The following NRK variants were observed in gnomAD, a reference collection of about 807,000 sequenced individuals.
NRK encodes Nik related kinase.
NRK carries 67 observed loss-of-function variants against 125.2 expected under a neutral mutation model. That is an observed-to-expected ratio of 0.54 (90% CI 0.44 to 0.66). The LOEUF (loss-of-function observed/expected upper bound fraction) is 0.66, where lower values mean the gene tolerates loss of function less well. Among genes scored for constraint, NRK ranks in the 30% least tolerant of loss-of-function variants. NRK has a pLI of 0.00. For synonymous variants in NRK, 458 were observed against 429.0 expected, an observed-to-expected ratio of 1.07 and a Z score of -0.84; for missense variants, 1,224 against 1,192.9, an observed-to-expected ratio of 1.03 and a Z score of -0.38.
At chrX:105,839,252 A>C (rs2039301133) in intron 2 of NRK, among the ~76,000 whole-genome samples, 1 of 4,966 alleles carries the variant, frequency 2.0e-4, no homozygotes, top group East Asian at 7.8e-3. Context: ...CTTTCTTTTT[A>C]GGTAGAAAAG....
rs73535217 is a variant in NRK at position 105,950,191 on chromosome X, G to A, written c.4513+457G>A. Among the ~76,000 whole-genome samples, 3 of 110,965 alleles carry A rather than the reference G, an allele frequency of 2.7e-5. No individual in the cohort carries two copies. In the East Asian group the frequency reaches 8.5e-4, roughly 31 times the overall value. On this transcript the variant is annotated intron_variant, in intron 27 of 28. Transcript: ENST00000243300. ...GTTCTATTTTGTGAGTGATATTCCT[G>A]TGAAGAATCAAATCATTTAGAAAAG...
At chrX:105,875,464 T>A (rs1333137506) in intron 2 of NRK, among the ~76,000 whole-genome samples, 1 of 111,379 alleles carries the variant, frequency 9.0e-6, no homozygotes, top group Non-Finnish European at 1.9e-5. Flanking sequence ...GTCTAACTCA[T>A]GCTTAAATGT....
intron 1 of NRK, among the ~76,000 whole-genome samples, chrX:105,826,058 A>G (rs548875): frequency 1.1e-5 from 1 of 94,466 alleles, no homozygotes; most frequent in Non-Finnish European, 2.1e-5. Flanking sequence ...CTCTCTCTCT[A>G]TATATATATA....
In NRK at chrX:105,953,126, C is replaced by T. The variant is rs774608160; in HGVS notation, c.4606C>T (p.Arg1536Cys). ...QSRVLESELK[R>C]RSIKKLRFLC... Reference sequence around the variant, plus strand: ...CAGGGTTCTGGAAAGTGAGCTGAAGCGCAGGTCAATTAAGAAGCTGAGATT... The same window carrying T: ...CAGGGTTCTGGAAAGTGAGCTGAAGTGCAGGTCAATTAAGAAGCTGAGATT... Residue 1536 changes from arginine (R) to cysteine (C), a missense_variant, in exon 28 of 29, where the codon CGC (arginine) becomes TGC (cysteine). Arg to Cys is a radical substitution (Grantham distance 180, BLOSUM62 -3). Coordinates refer to ENST00000243300, the MANE Select transcript of NRK (RefSeq NM_198465.4). 2.9e-5 allele frequency: 35 copies of T among 1,193,609 alleles called. No homozygotes were observed. Among genetic ancestry groups the T allele is most frequent in the Admixed American group, 2.0e-4 (9 of 45,191 alleles).
At chrX:105,824,561 G>A (rs2039066470) in intron 1 of NRK, among the ~76,000 whole-genome samples, 1 of 105,817 alleles carries the variant, frequency 9.5e-6, no homozygotes, top group African/African-American at 3.5e-5. Flanking sequence ...TCATAGAAAT[G>A]ATAGGACAGG....
intron 2 of NRK, among the ~76,000 whole-genome samples, chrX:105,833,778 C>T (rs2039225939): frequency 9.0e-6 from 1 of 111,217 alleles, no homozygotes; most frequent in South Asian, 3.8e-4. Context: ...CATATAACTG[C>T]CACCACAATC....
chrX:105,900,354 G>A (rs2040142405), intron 8 of NRK, among the ~76,000 whole-genome samples: 1 of 111,591 alleles, frequency 9.0e-6, no homozygotes, highest in Non-Finnish European at 1.9e-5. Flanking sequence ...CAGGTAAAAC[G>A]ATAATATCAA....
At position 105,908,848 on chromosome X, in the gene NRK, G is replaced by A. The variant is rs1172126649; in HGVS notation, c.1207G>A (p.Val403Ile). ...GCTACCTGATCGAGAAGAGCCACAG[G>A]TCCAGGCACTTCAGCAGCTACAGGG... ...RWLPDREEPQ[V>I]QALQQLQGAA... The change falls in exon 13 of 29, where the codon GTC becomes ATC. Residue 403 changes from valine to isoleucine, a missense_variant. Transcript: ENST00000243300. 7 of 1,207,461 alleles carry A rather than the reference G, an allele frequency of 5.8e-6. No homozygotes were observed. The highest frequency in any genetic ancestry group is 6.7e-6 in the Non-Finnish European group (6 of 893,258).
intron 2 of NRK, among the ~76,000 whole-genome samples, chrX:105,865,132 C>T (rs932728912): frequency 8.9e-6 from 1 of 111,738 alleles, no homozygotes; most frequent in African/African-American, 3.2e-5. Context: ...GCTGCTGAAA[C>T]GTATTGCAGG....
At chrX:105,888,025 T>C (rs959275777) in intron 4 of NRK, among the ~76,000 whole-genome samples, 8 of 112,455 alleles carry the variant, frequency 7.1e-5, no homozygotes, top group Admixed American at 1.9e-4. Flanking sequence ...GTGAAAATTT[T>C]ATACAGTGGC....
At chrX:105,911,836 G>T (rs146836867) in intron 13 of NRK, among the ~76,000 whole-genome samples, 2 of 111,600 alleles carry the variant, frequency 1.8e-5, no homozygotes, top group East Asian at 2.8e-4. Flanking sequence ...TACCAGCATG[G>T]CACACACTTA....
chrX:105,931,962 A>AT (rs759787419), intron 19 of NRK, among the ~76,000 whole-genome samples: 3 of 110,744 alleles, frequency 2.7e-5, no homozygotes, highest in African/African-American at 6.6e-5. Context: ...TTCAGAACTT[A>AT]TTTTTTTTAC....
chrX:105,873,986 C>T (rs750386103), intron 2 of NRK, among the ~76,000 whole-genome samples: 1 of 112,256 alleles, frequency 8.9e-6, no homozygotes, highest in East Asian at 2.8e-4. Flanking sequence ...TGACTAAATC[C>T]TTGATACAGT....
chrX:105,864,149 G>A (rs758283993), intron 2 of NRK, among the ~76,000 whole-genome samples: 3 of 112,126 alleles, frequency 2.7e-5, no homozygotes, highest in Admixed American at 9.5e-5. Flanking sequence ...GAGGCAGAGT[G>A]TACACTTGTA....
intron 23 of NRK, 95 bp from the exon 24 acceptor site, chrX:105,943,846 A>T: frequency 2.1e-6 from 1 of 485,638 alleles, no homozygotes; most frequent in African/African-American, 2.4e-5. Context: ...CTGTGCTCTT[A>T]AATTGTGGTT....
chrX:105,821,795 C>G (rs1176209442), upstream of NRK, among the ~76,000 whole-genome samples: 1 of 111,913 alleles, frequency 8.9e-6, no homozygotes, highest in Non-Finnish European at 1.9e-5. Flanking sequence ...CAGTCTTACT[C>G]AACCCTGCGC....
chrX:105,912,217 A>G (rs780602703), intron 13 of NRK, among the ~76,000 whole-genome samples: 7 of 111,605 alleles, frequency 6.3e-5, no homozygotes, highest in African/African-American at 2.3e-4. Flanking sequence ...GCACCACTGT[A>G]TTACAGATCT....
chrX:105,924,827 C>A lies in NRK; in HGVS notation c.3108C>A (p.Asp1036Glu), dbSNP rs12395531. 4.2e-4 allele frequency: 505 copies of A among 1,208,817 alleles called. 5 individuals are homozygous for A. In the African/African-American group the frequency reaches 8.1e-3, roughly 19 times the overall value. The change falls in exon 19 of 29, where the codon GAC (aspartate) becomes GAA (glutamate). Residue 1036 changes from aspartate to glutamate, a missense_variant. Physicochemically the swap from Asp to Glu is conservative, Grantham distance 45 (BLOSUM62 2). Transcript: ENST00000243300. ...RSHGGSAASE[D>E]NAAIGDQEEH... ...ATGGAGGAAGTGCAGCCAGTGAGGA[C>A]AATGCAGCCATTGGAGATCAGGAAG...
intron 5 of NRK, among the ~76,000 whole-genome samples, chrX:105,889,709 G>A (rs907061049): frequency 1.8e-5 from 2 of 112,459 alleles, no homozygotes; most frequent in African/African-American, 6.5e-5. Context: ...GCCAAGACTT[G>A]GGGCTTGCAC....
Sources: gnomAD v4.1 joint callset for allele counts (sites outside exome capture counted in the v4.1 genomes callset) on GRCh38, gnomAD v4.1.1 for gene constraint, MANE v1.5 for transcripts, NCBI Gene and HGNC (gene_info 2026-07-23, HGNC 2026-07-21) for gene names.